WDR11: variants seen among roughly 807,000 people sequenced by gnomAD.
The protein encoded by WDR11 is WD repeat-containing protein 11.
Under a neutral mutation model 151.2 loss-of-function variants are expected in WDR11, and 83 were observed. That is an observed-to-expected ratio of 0.55 (90% CI 0.46 to 0.66). The LOEUF (loss-of-function observed/expected upper bound fraction) is 0.66. WDR11 is among the 30% of genes least tolerant of loss of function. The pLI is 0.00. For missense variants in WDR11, 1,301 were observed against 1,480.9 expected, an observed-to-expected ratio of 0.88 and a Z score of 1.99; for synonymous variants, 484 against 533.1, an observed-to-expected ratio of 0.91 and a Z score of 1.27.
At chr10:120,889,347 C>G in intron 17 of WDR11, 163 bp downstream of exon 17, 1 of 601,894 alleles carries the variant, frequency 1.7e-6, no homozygotes, top group South Asian at 1.8e-5. Flanking sequence ...ATGCCATTCT[C>G]CTGCCTCAGC....
intron 14 of WDR11, chr10:120,885,014 T>C (rs1474652523): frequency 2.0e-5 from 3 of 152,302 alleles, no homozygotes; most frequent in Admixed American, 6.5e-5. Context: ...GCAGCCATTC[T>C]GTAAAGCACG....
chr10:120,905,484 G>T (rs1225205255), intron 26 of WDR11, 68 bp downstream of exon 26: 3 of 1,537,082 alleles, frequency 2.0e-6, no homozygotes, highest in African/African-American at 2.7e-5. Context: ...CTGAACTTTG[G>T]ACTTATGACT....
intron 3 of WDR11, among the ~76,000 whole-genome samples, 154 bp downstream of exon 3, chr10:120,858,950 C>A (rs1187252471): frequency 6.6e-6 from 1 of 152,202 alleles, no homozygotes; most frequent in Non-Finnish European, 1.5e-5. Context: ...CTAAATCTGG[C>A]TTTCTGTCCT....
At chr10:120,893,420 G>A (rs1274532457) in intron 19 of WDR11, among the ~76,000 whole-genome samples, 2 of 152,030 alleles carry the variant, frequency 1.3e-5, no homozygotes, top group East Asian at 1.9e-4. Context: ...ATGATTGTTG[G>A]ACATTTAGGT....
chr10:120,890,588 C>G, intron 18 of WDR11, 128 bp from the exon 19 acceptor site: 1 of 1,020,126 alleles, frequency 9.8e-7, no homozygotes, highest in Non-Finnish European at 1.5e-6. Flanking sequence ...AGATAGATTG[C>G]CAGAGGCTGT....
At chr10:120,875,000 GT>G (rs1846714813) in intron 11 of WDR11, among the ~76,000 whole-genome samples, 1 of 151,436 alleles carries the variant, frequency 6.6e-6, no homozygotes, top group African/African-American at 2.4e-5. Flanking sequence ...AGTGTGTGAT[GT>G]TCCTCTCGCT....
intron 4 of WDR11, among the ~76,000 whole-genome samples, chr10:120,862,297 G>A (rs112434599): frequency 0.063 from 9,520 of 151,848 alleles, 980 homozygotes; most frequent in African/African-American, 0.22. Context: ...GTGCCACCAC[G>A]CCTGGCTAAT....
At position 120,890,028 on chromosome 10, in the gene WDR11, G is replaced by A; in HGVS notation, c.2343+19G>A. ...TAAAGAGGTAGGCCCTCTCCATGAG[G>A]ATAAAACGTAAATAAATTGTTAGCC... is the stretch of plus-strand genomic sequence containing the variant. On this transcript the variant is annotated intron_variant, in intron 18 of 28. Transcript: ENST00000263461. 6.6e-7 allele frequency: 1 copy of A among 1,512,536 alleles called. No individual in the cohort carries two copies. Among genetic ancestry groups the A allele is most frequent in the Middle Eastern group, 1.7e-4 (1 of 5,850 alleles). The allele number at this position is 1,512,536 out of a possible 1,614,324, so 93.7% of individuals were successfully genotyped here.
At chr10:120,900,179 G>C in intron 20 of WDR11, 42 bp downstream of exon 20, 1 of 1,537,768 alleles carries the variant, frequency 6.5e-7, no homozygotes, top group Non-Finnish European at 9.0e-7. Context: ...ATTTACTTGG[G>C]GTTGAAAGAC....
Position 120,890,887 on chromosome 10 carries a change from G to A in WDR11, c.2515G>A (p.Glu839Lys), listed in dbSNP as rs751387341. The A allele has an allele frequency of 1.9e-6, 3 of 1,614,078 alleles. No individual in the cohort carries two copies. Among genetic ancestry groups the A allele is most frequent in the Non-Finnish European group, 2.5e-6 (3 of 1,179,992 alleles). Residue 839 changes from glutamate (E) to lysine (K), a missense_variant and splice_region_variant, in exon 19 of 29, where the codon GAG becomes AAG. Coordinates refer to ENST00000263461, the MANE Select transcript of WDR11 (RefSeq NM_018117.12). ...TAGAATGGATGAACAAGAGTTAACC[G>A]GTATGGAATCCTAATGATAGGGGGC... ...CFRMDEQELT[E>K]PVWCPYLLVP...
chr10:120,862,689 T>G, intron 4 of WDR11, 46 bp from the exon 5 acceptor site: 1 of 1,589,166 alleles, frequency 6.3e-7, no homozygotes, highest in Non-Finnish European at 8.6e-7. Context: ...AACTGTATGC[T>G]AAACTTCATT....
Position 120,889,115 on chromosome 10 carries a change from G to T in WDR11, c.2159G>T (p.Gly720Val). The change falls in exon 17 of 29, where the codon GGT (glycine) becomes GTT (valine). Residue 720 changes from glycine to valine, a missense_variant. By Grantham distance (109) the Gly-to-Val change is moderately radical. Coordinates refer to ENST00000263461, the MANE Select transcript of WDR11 (RefSeq NM_018117.12). ...AGTATTACCTGCATCGCTTGGAAAG[G>T]TGATACATTAGTGCTTGGAGATATG... Reference protein sequence around the residue: ...MGSITCIAWKGDTLVLGDMDG... With the variant: ...MGSITCIAWKVDTLVLGDMDG... 6.2e-7 allele frequency: 1 copy of T among 1,614,006 alleles called. No individual in the cohort carries two copies. Among genetic ancestry groups the T allele is most frequent in the African/African-American group, 1.3e-5 (1 of 75,024 alleles).
At chr10:120,853,466 C>T (rs568155062) in intron 2 of WDR11, among the ~76,000 whole-genome samples, 392 of 152,158 alleles carry the variant, frequency 2.6e-3, no homozygotes, top group Non-Finnish European at 4.6e-3. Flanking sequence ...CGGGTTTCAC[C>T]ATGTTAGCCA....
chr10:120,903,442 G>A (rs1444533690), intron 23 of WDR11, among the ~76,000 whole-genome samples: 11 of 151,580 alleles, frequency 7.3e-5, no homozygotes, highest in East Asian at 5.8e-4. Context: ...CCCAGGAGGC[G>A]GAGGTTGCAG....
In WDR11 at chr10:120,908,678, C is replaced by T; in HGVS notation, c.3640C>T (p.Leu1214Phe). 6.2e-7 allele frequency: 1 copy of T among 1,614,192 alleles called. No homozygotes were observed. The highest frequency in any genetic ancestry group is 1.3e-5 in the African/African-American group (1 of 75,058). The part of the protein sequence containing the change: ...GAAGKDLLNE[L>F]ESPKEEPIEE ...AGCTGGCAAAGACTTATTGAATGAG[C>T]TTGAGTCCCCCAAGGAAGAACCCAT... Residue 1214 changes from leucine (L) to phenylalanine (F), a missense_variant, in exon 29 of 29, where the codon CTT (leucine) becomes TTT (phenylalanine). Around this residue, in one of 3 missense-constraint regions of WDR11, gnomAD observed 589 missense variants for 670.6 expected, o/e 0.88. Transcript: ENST00000263461.
At chr10:120,896,868 A>T (rs1847633670) in intron 19 of WDR11, among the ~76,000 whole-genome samples, 1 of 152,178 alleles carries the variant, frequency 6.6e-6, no homozygotes, top group Non-Finnish European at 1.5e-5. Flanking sequence ...GGCTCTGCTC[A>T]CAGAGAGTTT....
intron 12 of WDR11, chr10:120,879,940 G>A (rs997382110): frequency 1.3e-5 from 2 of 152,154 alleles, no homozygotes; most frequent in Middle Eastern, 3.4e-3. Context: ...CTTCCTTTGC[G>A]GGTAACTCAT....
intron 1 of WDR11, 64 bp downstream of exon 1, chr10:120,851,570 G>C: frequency 6.4e-7 from 1 of 1,561,962 alleles, no homozygotes; most frequent in Non-Finnish European, 8.7e-7. Flanking sequence ...GAAGGGGGAA[G>C]GACAAGAGGT....
Position 120,865,788 on chromosome 10 carries a change from T to G in WDR11, c.994+44T>G, listed in dbSNP as rs771018712. On this transcript the variant is annotated intron_variant, in intron 7 of 28. Transcript: ENST00000263461. The stretch of plus-strand genomic sequence containing the variant: ...ATAATGTTATATTTTTCTTCAAAAT[T>G]ATTTTATAAAGCTTGATGTGGCAAA... 94 of 1,370,936 alleles carry G rather than the reference T, an allele frequency of 6.9e-5. 1 individual carries two copies. The Admixed American group carries it at 1.6e-3, about 24-fold the overall frequency. The allele number at this position is 1,370,936 out of a possible 1,614,324, so 84.9% of individuals were successfully genotyped here.
Sources: gnomAD v4.1 joint callset for allele counts (sites outside exome capture counted in the v4.1 genomes callset) on GRCh38, gnomAD v4.1.1 for gene constraint, gnomAD v4.1.1 regional missense constraint, MANE v1.5 for transcripts, NCBI Gene and HGNC (gene_info 2026-07-23, HGNC 2026-07-21) for gene names.